Variants in ITSN1 observed in about 807,000 individuals in gnomAD.
ITSN1 encodes the protein intersectin 1.
A neutral mutation model predicts 239.8 loss-of-function variants in ITSN1; 58 were observed. That is an observed-to-expected ratio of 0.24 (90% confidence interval 0.20 to 0.30). ITSN1 has a LOEUF of 0.30. ITSN1 is among the 10% of genes least tolerant of loss of function. ITSN1 has a pLI of 1.00. For missense variants in ITSN1, 1,558 were observed against 2,103.3 expected, an observed-to-expected ratio of 0.74 and a Z score of 5.07; for synonymous variants, 780 against 770.8, an observed-to-expected ratio of 1.01 and a Z score of -0.20.
chr21:33,667,671 T>C (rs9975466), intron 1 of ITSN1, among the ~76,000 whole-genome samples: 19,509 of 152,178 alleles, frequency 0.13, 1,449 homozygotes, highest in East Asian at 0.26. Flanking sequence ...GGGCACAAAA[T>C]GGTTAAGTAA....
At chr21:33,771,715 A>G (rs1231988093) in intron 11 of ITSN1, among the ~76,000 whole-genome samples, 1 of 152,154 alleles carries the variant, frequency 6.6e-6, no homozygotes, top group East Asian at 1.9e-4. Flanking sequence ...AAGGAGGGAG[A>G]GAGACAGAGA....
intron 2 of ITSN1, among the ~76,000 whole-genome samples, chr21:33,719,862 C>T (rs2065379201): frequency 6.6e-6 from 1 of 152,092 alleles, no homozygotes; most frequent in Non-Finnish European, 1.5e-5. Context: ...TGCTTACACC[C>T]AAGTTACTTT....
chr21:33,794,343 A>G lies in ITSN1; in HGVS notation c.1827A>G (p.Glu609=), dbSNP rs1300630998. The G allele has an allele frequency of 6.2e-7, 1 of 1,610,076 alleles. No individual in the cohort carries two copies. Among genetic ancestry groups the G allele is most frequent in the Non-Finnish European group, 8.5e-7 (1 of 1,177,764 alleles). The change falls in exon 17 of 40, where the codon GAA becomes GAG. Residue 609 remains glutamate, a splice_region_variant and synonymous_variant. Coordinates refer to ENST00000381318, the MANE Select transcript of ITSN1 (RefSeq NM_003024.3). ...EIDIFNNQLK[E]LREIHNKQQL... is the part of the protein sequence containing the mutation. The stretch of plus-strand genomic sequence containing the variant: ...AACTGTTTCTCGGTTAATTATAGGA[A>G]CTAAGAGAAATACACAATAAGCAAC...
intron 8 of ITSN1, among the ~76,000 whole-genome samples, chr21:33,757,939 C>T (rs998447799): frequency 6.6e-6 from 1 of 151,786 alleles, no homozygotes; most frequent in East Asian, 1.9e-4. Flanking sequence ...TGCTGTGGTG[C>T]GATAGTAGCT....
At chr21:33,699,649 G>T (rs572122276) in intron 1 of ITSN1, among the ~76,000 whole-genome samples, 4 of 152,368 alleles carry the variant, frequency 2.6e-5, no homozygotes, top group African/African-American at 9.6e-5. Context: ...AGCCCTGGAT[G>T]TGGAGGTTGT....
At chr21:33,815,984 C>A (rs1003701218) in intron 22 of ITSN1, among the ~76,000 whole-genome samples, 15 of 151,930 alleles carry the variant, frequency 9.9e-5, no homozygotes, top group African/African-American at 3.6e-4. Context: ...GAGTTCGTGT[C>A]CAGCCTGGCC....
At chr21:33,781,591 C>CT (rs1334882560) in intron 15 of ITSN1, 43 bp downstream of exon 15, 6 of 1,144,586 alleles carry the variant, frequency 5.2e-6, no homozygotes, top group Middle Eastern at 2.0e-4. Context: ...TTTATTCTTT[C>CT]TTTTTTTGAC....
Position 33,790,463 on chromosome 21 carries a change from T to C in ITSN1, c.1825-3878T>C, listed in dbSNP as rs2071033560. On this transcript the variant is annotated intron_variant, in intron 16 of 39. Transcript: ENST00000381318. ...TCAAATTATTACATACTCTACCTAG[T>C]GTAAAACATGTCATACACTTGAATA... Among the ~76,000 whole-genome samples the C allele has an allele frequency of 3.3e-5, 5 of 152,226 alleles. No individual in the cohort carries two copies. In the South Asian group the frequency reaches 8.3e-4, roughly 25 times the overall value.
chr21:33,717,921 C>T (rs145470697), intron 1 of ITSN1, among the ~76,000 whole-genome samples: 132 of 152,146 alleles, frequency 8.7e-4, no homozygotes, highest in African/African-American at 2.7e-3. Flanking sequence ...TTTTTCACAT[C>T]GGCTGTTGAT....
chr21:33,888,336 C>T lies in ITSN1; in HGVS notation c.*36C>T. ...CAGGGTGTGCTCAGCAGGGTCCCAG[C>T]CCACGGCCACACATGCTGTCTGGAA... On this transcript the variant is annotated 3_prime_UTR_variant, in exon 40 of 40. Coordinates refer to ENST00000381318, the MANE Select transcript of ITSN1 (RefSeq NM_003024.3). 1.3e-6 allele frequency: 2 copies of T among 1,574,174 alleles called. No homozygotes were observed. Among genetic ancestry groups the T allele is most frequent in the Non-Finnish European group, 1.7e-6 (2 of 1,157,490 alleles).
At chr21:33,780,050 T>G (rs2070026379) in intron 14 of ITSN1, among the ~76,000 whole-genome samples, 1 of 152,232 alleles carries the variant, frequency 6.6e-6, no homozygotes, top group East Asian at 1.9e-4. Flanking sequence ...CAGCCTGGTC[T>G]CAAACTCCTG....
rs551845329 is a variant in ITSN1 at position 33,675,204 on chromosome 21, T to G, written c.-33+32491T>G. Reference sequence around the variant, plus strand: ...AAAACTTTGTTGTAGCTGATGCTCTTCATCCACTGGCCCCTCCCATTTCTC... The same window carrying G: ...AAAACTTTGTTGTAGCTGATGCTCTGCATCCACTGGCCCCTCCCATTTCTC... On this transcript the variant is annotated intron_variant, in intron 1 of 39. Coordinates refer to ENST00000381318, the MANE Select transcript of ITSN1 (RefSeq NM_003024.3). 3.9e-5 allele frequency among the ~76,000 whole-genome samples: 6 copies of G among 152,276 alleles called. No individual in the cohort carries two copies. The South Asian group carries it at 1.0e-3, about 26-fold the overall frequency.
intron 5 of ITSN1, among the ~76,000 whole-genome samples, chr21:33,746,502 A>G (rs78220415): frequency 0.02 from 3,077 of 152,108 alleles, 120 homozygotes; most frequent in African/African-American, 0.072. Flanking sequence ...ATTACAAAAA[A>G]GAGGAAAATT....
intron 7 of ITSN1, among the ~76,000 whole-genome samples, chr21:33,753,120 A>C (rs1320895464): frequency 6.6e-6 from 1 of 152,218 alleles, no homozygotes; most frequent in African/African-American, 2.4e-5. Flanking sequence ...AACGTAACTC[A>C]TAAGTGACAG....
chr21:33,811,283 C>G (rs372189761), intron 21 of ITSN1, 61 bp downstream of exon 21: 70 of 1,480,438 alleles, frequency 4.7e-5, no homozygotes, highest in Admixed American at 3.1e-4. Context: ...ATTTCCCCCC[C>G]ACCCCCTTAA....
rs1246956752 is a variant in ITSN1 at position 33,876,121 on chromosome 21, CTTTCTTTCTTTCTTTCTTTCTTTCTT to C, written c.4341+602_4341+627del. Among the ~76,000 whole-genome samples the C allele has an allele frequency of 9.2e-4, 78 of 84,728 alleles. 1 individual carries two copies. The highest frequency in any genetic ancestry group is 2.1e-3 in the African/African-American group (74 of 35,212). 55.6% of individuals were successfully genotyped at this position (84,728 alleles called of 152,430 possible). On this transcript the variant is annotated intron_variant, in intron 34 of 39. Coordinates refer to ENST00000381318, the MANE Select transcript of ITSN1 (RefSeq NM_003024.3). Reference sequence around the variant, plus strand: ...TCTTTCCTTCTTTCTTTCTTTCTTTCTTTCTTTCTTTCTTTCTTTCTTTCTTTCTTTCTCTCTCTCCCTCTTTCTTT... The same window carrying C: ...TCTTTCCTTCTTTCTTTCTTTCTTTCTCTTTCTCTCTCTCCCTCTTTCTTT...
chr21:33,703,692 C>T (rs1046173228), intron 1 of ITSN1, among the ~76,000 whole-genome samples: 7 of 152,212 alleles, frequency 4.6e-5, no homozygotes, highest in South Asian at 4.1e-4. Flanking sequence ...AGGTTGCCTT[C>T]GGAGAGTGGA....
intron 1 of ITSN1, among the ~76,000 whole-genome samples, chr21:33,709,623 G>T (rs1439548720): frequency 6.6e-6 from 1 of 152,150 alleles, no homozygotes; most frequent in Non-Finnish European, 1.5e-5. Flanking sequence ...TACATATTTT[G>T]ATGCTACTGT....
chr21:33,852,890 C>G (rs993445074), intron 29 of ITSN1, among the ~76,000 whole-genome samples: 2 of 152,182 alleles, frequency 1.3e-5, no homozygotes, highest in South Asian at 4.1e-4. Flanking sequence ...CGTCCCTCCA[C>G]CCCTAAAGAA....
Sources: gnomAD v4.1 joint callset for allele counts (sites outside exome capture counted in the v4.1 genomes callset) on GRCh38, gnomAD v4.1.1 for gene constraint, MANE v1.5 for transcripts, NCBI Gene and HGNC (gene_info 2026-07-23, HGNC 2026-07-21) for gene names.